ZNF540: variants seen among roughly 807,000 people sequenced by gnomAD.
The protein encoded by ZNF540 is CTD-3064H18.6.
Under a neutral mutation model 11.8 loss-of-function variants are expected in ZNF540, and 3 were observed. The ratio of observed to expected loss-of-function variants is 0.25; its 90% CI spans 0.12 to 0.65. ZNF540 has a LOEUF of 0.65. ZNF540 is among the 30% of genes least tolerant of loss of function. The pLI is 0.83. For synonymous variants in ZNF540, 247 were observed against 259.0 expected (o/e 0.95, Z 0.45); for missense variants, 709 against 793.1 (o/e 0.89, Z 1.27).
At chr19:37,571,096 T>C (rs1312288716) in intron 1 of ZNF540, among the ~76,000 whole-genome samples, 1 of 152,238 alleles carries the variant, frequency 6.6e-6, no homozygotes, top group African/African-American at 2.4e-5. Flanking sequence ...CTGTAGCTCA[T>C]ACAGCATTAC....
chr19:37,553,388 C>T (rs1365857663), intron 1 of ZNF540, among the ~76,000 whole-genome samples: 2 of 151,932 alleles, frequency 1.3e-5, no homozygotes, highest in African/African-American at 4.8e-5. Flanking sequence ...CCACCTTGGC[C>T]TCCCAAAGTG....
intron 1 of ZNF540, chr19:37,566,288 A>G: frequency 6.3e-7 from 1 of 1,594,504 alleles, no homozygotes; most frequent in Non-Finnish European, 8.5e-7. Context: ...ACTGGATTCC[A>G]AGTCTGTAGA....
intron 1 of ZNF540, chr19:37,556,017 T>G (rs2042655565): frequency 1.4e-6 from 1 of 702,088 alleles, no homozygotes. Context: ...GAGGTAAAAG[T>G]CAACATTTTG....
intron 1 of ZNF540, among the ~76,000 whole-genome samples, chr19:37,556,484 C>T (rs1262778885): frequency 2.0e-5 from 3 of 152,048 alleles, no homozygotes; most frequent in East Asian, 1.9e-4. Flanking sequence ...GAGCCATTGG[C>T]GTTGTGAGGA....
At position 37,612,106 on chromosome 19, in the gene ZNF540, T is replaced by C. The variant is rs1600566324; in HGVS notation, c.826T>C (p.Cys276Arg). ...TAAAAAACCCTATATGTGTAAGAAA[T>C]GTGATAAGGGTTTTTTTAGTAGATT... ...TGKKPYMCKK[C>R]DKGFFSRLEL... The change falls in exon 5 of 5, where the codon TGT becomes CGT. Residue 276 changes from cysteine (C) to arginine (R), a missense_variant. Cys to Arg is a radical substitution (Grantham distance 180). Coordinates refer to ENST00000316433, the MANE Select transcript of ZNF540 (RefSeq NM_001172225.3). The C allele has an allele frequency of 6.2e-7, 1 of 1,611,602 alleles. No homozygotes were observed. The highest frequency in any genetic ancestry group is 2.2e-5 in the East Asian group (1 of 44,830).
At chr19:37,597,143 G>T (rs2044002554) in intron 1 of ZNF540, among the ~76,000 whole-genome samples, 1 of 151,964 alleles carries the variant, frequency 6.6e-6, no homozygotes, top group East Asian at 1.9e-4. Context: ...CTATATATAA[G>T]GTATGCATCA....
At chr19:37,565,775 G>T (rs764603839) in intron 1 of ZNF540, 1 of 1,613,624 alleles carries the variant, frequency 6.2e-7, no homozygotes, top group Non-Finnish European at 8.5e-7. Context: ...TTTTTCATTA[G>T]TATGAATTTT....
intron 1 of ZNF540, among the ~76,000 whole-genome samples, chr19:37,579,058 A>G (rs1427463730): frequency 1.3e-5 from 2 of 152,170 alleles, no homozygotes; most frequent in Non-Finnish European, 2.9e-5. Context: ...TGAACATTTC[A>G]CCTGCAGCCC....
rs769441381 is a variant in ZNF540, at chr19:37,613,182, C to G, written c.1902C>G (p.Pro634=). 1.2e-6 allele frequency: 2 copies of G among 1,612,760 alleles called. No homozygotes were observed. Among genetic ancestry groups the G allele is most frequent in the East Asian group, 2.2e-5 (1 of 44,850 alleles). ...AGAGAATTCACACTGGTGAGAAACC[C>G]TATGAGTGTAAGGTATGTAGAAAGG... ...EHQRIHTGEK[P]YECKVCRKAF... The change falls in exon 5 of 5, where the codon CCC becomes CCG. Residue 634 remains proline, a synonymous_variant. Coordinates refer to ENST00000316433, the MANE Select transcript of ZNF540 (RefSeq NM_001172225.3).
chr19:37,601,731 A>G (rs911691211), intron 4 of ZNF540, among the ~76,000 whole-genome samples: 7 of 152,244 alleles, frequency 4.6e-5, no homozygotes, highest in African/African-American at 1.7e-4. Context: ...GATGTGCAGT[A>G]TAGGCTTAGG....
chr19:37,599,560 C>A, intron 2 of ZNF540, 66 bp from the exon 3 acceptor site: 5 of 1,601,350 alleles, frequency 3.1e-6, no homozygotes, highest in Non-Finnish European at 4.3e-6. Context: ...CCTTTTATCT[C>A]CTTTTCTTCT....
chr19:37,607,548 T>C (rs1316337160), intron 4 of ZNF540, among the ~76,000 whole-genome samples: 1 of 152,188 alleles, frequency 6.6e-6, no homozygotes, highest in Non-Finnish European at 1.5e-5. Flanking sequence ...TTTCAGACTA[T>C]CATGTAGTTG....
chr19:37,612,144 A>G lies in ZNF540; in HGVS notation c.864A>G (p.Gln288=), dbSNP rs2044135532. ...KGFFSRLELT[Q]HKRIHTGKKS... is the part of the protein sequence containing the mutation. ...TTTTTAGTAGATTAGAACTTACTCA[A>G]CATAAAAGAATTCATACTGGTAAGA... Residue 288 remains glutamine, a synonymous_variant, in exon 5 of 5, where the codon CAA becomes CAG. Transcript: ENST00000316433. 6.2e-7 allele frequency: 1 copy of G among 1,611,618 alleles called. No homozygotes were observed. The highest frequency in any genetic ancestry group is 1.1e-5 in the South Asian group (1 of 90,750).
At position 37,586,925 on chromosome 19, in the gene ZNF540, T is replaced by C. The variant is rs552407188; in HGVS notation, c.-72-11451T>C. On this transcript the variant is annotated intron_variant, in intron 1 of 4. Coordinates refer to the ZNF540 transcript ENST00000592533. ...CAGGCAGACCTTTCCTTAATGTCCA[T>C]GTTGAACAGGACCCTAGGTGCTGTT... The C allele has an allele frequency of 9.3e-6, 5 of 539,114 alleles. No individual in the cohort carries two copies. The East Asian group carries it at 1.6e-4, about 17-fold the overall frequency. The allele number at this position is 539,114 out of a possible 1,614,324, so 33.4% of individuals were successfully genotyped here.
intron 1 of ZNF540, among the ~76,000 whole-genome samples, chr19:37,577,823 A>G (rs886920718): frequency 6.6e-6 from 1 of 152,202 alleles, no homozygotes; most frequent in Non-Finnish European, 1.5e-5. Flanking sequence ...CAGGGAGAGG[A>G]AACAAAGTCG....
intron 1 of ZNF540, chr19:37,555,098 A>G (rs1238859633): frequency 1.3e-5 from 2 of 152,166 alleles, no homozygotes; most frequent in Non-Finnish European, 2.9e-5. Context: ...TTATCAGTTA[A>G]TTGCATTCTT....
At chr19:37,564,452 A>T (rs1188054571) in intron 1 of ZNF540, 1 of 585,660 alleles carries the variant, frequency 1.7e-6, no homozygotes, top group Admixed American at 3.7e-5. Flanking sequence ...GAATTATTTA[A>T]GGGGTTTCTG....
In ZNF540 at chr19:37,613,452, G is replaced by C. The variant is rs927536531; in HGVS notation, c.*189G>C. On this transcript the variant is annotated 3_prime_UTR_variant, in exon 5 of 5. Transcript: ENST00000316433. ...AGAAAATAAAGCTGTTAATGTAACAGTTGTGGAAAAGTGTTCTAGCAACAG... is the reference window on the plus strand; with the variant it reads ...AGAAAATAAAGCTGTTAATGTAACACTTGTGGAAAAGTGTTCTAGCAACAG... 2.1e-6 allele frequency: 1 copy of C among 466,230 alleles called. No homozygotes were observed. The highest frequency in any genetic ancestry group is 2.0e-5 in the African/African-American group (1 of 50,364). The allele number at this position is 466,230 out of a possible 1,614,324, so 28.9% of individuals were successfully genotyped here.
intron 4 of ZNF540, among the ~76,000 whole-genome samples, chr19:37,604,680 T>C (rs2044069473): frequency 6.6e-6 from 1 of 152,166 alleles, no homozygotes; most frequent in South Asian, 2.1e-4. Flanking sequence ...TAATTGTATC[T>C]GTTTAATTAT....
Sources: allele counts gnomAD v4.1 joint callset (sites outside exome capture counted in the v4.1 genomes callset), GRCh38; gene constraint gnomAD v4.1.1; transcripts MANE v1.5; gene names NCBI Gene and HGNC (gene_info 2026-07-23, HGNC 2026-07-21).